Variants in CD1B observed in about 807,000 individuals in gnomAD.
CD1B encodes the protein CD1b molecule.
CD1B carries 43 observed loss-of-function variants against 39.8 expected under a neutral mutation model. The observed-to-expected ratio is 1.08, with a 90% confidence interval of 0.85 to 1.39. The LOEUF is 1.39. CD1B is among the 40% of genes most tolerant of loss of function. The pLI, the probability that CD1B is intolerant of heterozygous loss-of-function variation, is 0.00. For missense variants in CD1B, 495 were observed against 403.8 expected (o/e 1.23, Z -1.94); for synonymous variants, 192 against 152.5 (o/e 1.26, Z -1.91).
the CD1B span, among the ~76,000 whole-genome samples, chr1:158,307,358 C>T: frequency 6.6e-6 from 1 of 152,100 alleles, no homozygotes; most frequent in South Asian, 2.1e-4. Flanking sequence ...TTCCTCGACA[C>T]GTACACCCCC....
At chr1:158,306,892 G>T in the CD1B span, among the ~76,000 whole-genome samples, 1 of 152,156 alleles carries the variant, frequency 6.6e-6, no homozygotes, top group African/African-American at 2.4e-5. Flanking sequence ...CGAGAACAAA[G>T]ACACAACATA....
chr1:158,329,361 A>C lies in CD1B; in HGVS notation c.886+9T>G, dbSNP rs761995867. On this transcript the variant is annotated intron_variant, in intron 4 of 5. Transcript: ENST00000368168. ...GGCATTTCCAGCCTGGGTCCCTGCT[A>C]TTTCTTACTCCAGTAGAGGATGATG... The C allele has an allele frequency of 6.6e-5, 106 of 1,607,168 alleles. No homozygotes were observed. The highest frequency in any genetic ancestry group is 9.9e-5 in the South Asian group (9 of 90,674).
chr1:158,292,200 T>G, the CD1B span: 1 of 1,614,200 alleles, frequency 6.2e-7, no homozygotes, highest in Non-Finnish European at 8.5e-7. Flanking sequence ...GAATACAACA[T>G]GGGTGCCATC....
At chr1:158,311,997 T>G in the CD1B span, among the ~76,000 whole-genome samples, 1 of 152,200 alleles carries the variant, frequency 6.6e-6, no homozygotes, top group Non-Finnish European at 1.5e-5. Flanking sequence ...TGGTTCAATA[T>G]TAATTTAGAA....
At chr1:158,315,689 T>C in the CD1B span, among the ~76,000 whole-genome samples, 62 of 152,036 alleles carry the variant, frequency 4.1e-4, 1 homozygote, top group Admixed American at 3.9e-3. Flanking sequence ...ATTTTGGCTT[T>C]TGTTGCCATT....
the CD1B span, among the ~76,000 whole-genome samples, chr1:158,307,965 G>A: frequency 6.6e-6 from 1 of 152,164 alleles, no homozygotes; most frequent in Non-Finnish European, 1.5e-5. Context: ...ATTCAACATA[G>A]TGTTGGAAGT....
the CD1B span, among the ~76,000 whole-genome samples, chr1:158,321,577 C>T: frequency 6.6e-6 from 1 of 152,066 alleles, no homozygotes; most frequent in Non-Finnish European, 1.5e-5. Flanking sequence ...TTTGTAGATC[C>T]TTCCTTCTTT....
chr1:158,315,724 T>C, the CD1B span, among the ~76,000 whole-genome samples: 1 of 152,048 alleles, frequency 6.6e-6, no homozygotes, highest in African/African-American at 2.4e-5. Context: ...AGACATGAAG[T>C]CCTTGCCCAT....
At chr1:158,308,589 G>A in the CD1B span, among the ~76,000 whole-genome samples, 1 of 152,198 alleles carries the variant, frequency 6.6e-6, no homozygotes, top group African/African-American at 2.4e-5. Context: ...TATACTACAA[G>A]GCTACAGTAA....
downstream of CD1B, among the ~76,000 whole-genome samples, chr1:158,325,667 A>ACG (rs1375075027): frequency 4.6e-5 from 7 of 151,714 alleles, no homozygotes; most frequent in Non-Finnish European, 7.4e-5. Context: ...ACACACACGC[A>ACG]CACACACAAT....
downstream of CD1B, among the ~76,000 whole-genome samples, chr1:158,322,997 G>A (rs926962251): frequency 2.4e-4 from 37 of 152,042 alleles, no homozygotes; most frequent in African/African-American, 8.7e-4. Context: ...ATGATTGATG[G>A]CCTTTGACCT....
chr1:158,308,925 G>A, the CD1B span, among the ~76,000 whole-genome samples: 64 of 152,102 alleles, frequency 4.2e-4, no homozygotes, highest in African/African-American at 1.5e-3. Context: ...GCATGGGCAA[G>A]GACTTCATGT....
At chr1:158,319,468 C>T in the CD1B span, among the ~76,000 whole-genome samples, 1 of 152,204 alleles carries the variant, frequency 6.6e-6, no homozygotes, top group Non-Finnish European at 1.5e-5. Flanking sequence ...GCTCCTGAGG[C>T]TTCTGCATTC....
the CD1B span, among the ~76,000 whole-genome samples, chr1:158,288,397 G>T: frequency 3.3e-5 from 5 of 152,234 alleles, no homozygotes; most frequent in South Asian, 1.0e-3. Flanking sequence ...TTACAAATGG[G>T]ATTTTCCTTT....
chr1:158,331,335 T>C (rs1652594417), intron 1 of CD1B, 28 bp downstream of exon 1: 2 of 1,605,456 alleles, frequency 1.2e-6, no homozygotes, highest in South Asian at 2.2e-5. Context: ...CCTGCACCAG[T>C]GCTGGGAGCT....
chr1:158,329,314 C>G (rs986760954), intron 4 of CD1B, 56 bp downstream of exon 4: 34 of 1,571,180 alleles, frequency 2.2e-5, no homozygotes, highest in Non-Finnish European at 2.9e-5. Flanking sequence ...GTGCCTCCCT[C>G]TATGCCTGAA....
At chr1:158,304,846 G>C in the CD1B span, among the ~76,000 whole-genome samples, 4 of 152,172 alleles carry the variant, frequency 2.6e-5, no homozygotes, top group Non-Finnish European at 5.9e-5. Flanking sequence ...TAGACCTCCA[G>C]CAAACTCCAA....
Position 158,328,026 on chromosome 1 carries a change from G to A in CD1B, c.*210C>T, listed in dbSNP as rs1652424007. On this transcript the variant is annotated 3_prime_UTR_variant, in exon 6 of 6. Coordinates refer to ENST00000368168, the MANE Select transcript of CD1B (RefSeq NM_001764.3). The stretch of plus-strand genomic sequence containing the variant: ...ATTTTAATGTGTGTAAAATCAGGGT[G>A]AATCACACTGTTAGTACAGTCTCAT... 6.3e-6 allele frequency: 3 copies of A among 475,036 alleles called. No homozygotes were observed. Among genetic ancestry groups the A allele is most frequent in the Non-Finnish European group, 1.1e-5 (3 of 267,724 alleles). 29.4% of individuals were successfully genotyped at this position (475,036 alleles called of 1,614,324 possible).
intron 5 of CD1B, among the ~76,000 whole-genome samples, 194 bp from the exon 6 acceptor site, chr1:158,328,451 A>G (rs752926226): frequency 5.9e-5 from 9 of 152,358 alleles, no homozygotes; most frequent in African/African-American, 1.7e-4. Context: ...AAGCCCTTTC[A>G]TATGCTACAA....
Sources: allele counts gnomAD v4.1 joint callset (sites outside exome capture counted in the v4.1 genomes callset), GRCh38; gene constraint gnomAD v4.1.1; transcripts MANE v1.5; gene names NCBI Gene and HGNC (gene_info 2026-07-23, HGNC 2026-07-21).